INPP5D: variants seen among roughly 807,000 people sequenced by gnomAD.
INPP5D encodes inositol polyphosphate-5-phosphatase D.
Under a neutral mutation model 122.9 loss-of-function variants are expected in INPP5D, and 33 were observed. The ratio of observed to expected loss-of-function variants is 0.27; its 90% CI spans 0.20 to 0.36. The LOEUF is 0.36. Ranked by LOEUF, INPP5D falls within the 10% of genes least tolerant of loss-of-function variation. The probability of loss-of-function intolerance (pLI) is 1.00; values close to 1 mark genes in which losing one functional copy is unlikely to be tolerated. For synonymous variants in INPP5D, 584 were observed against 576.2 expected (o/e 1.01, Z -0.19); for missense variants, 1,053 against 1,412.7 (o/e 0.75, Z 4.08).
At chr2:233,096,575 C>T (rs1330730968) in intron 2 of INPP5D, among the ~76,000 whole-genome samples, 1 of 152,106 alleles carries the variant, frequency 6.6e-6, no homozygotes, top group Admixed American at 6.5e-5. Flanking sequence ...TCACTTGAAC[C>T]TGGGAGGCGG....
In INPP5D at chr2:233,189,835, C is replaced by A; in HGVS notation, c.2359-15C>A. The A allele has an allele frequency of 1.2e-6, 2 of 1,612,164 alleles. No individual in the cohort carries two copies. The highest frequency in any genetic ancestry group is 1.7e-6 in the Non-Finnish European group (2 of 1,179,020). ...CTTGCCCATCAACTCCAGTCCTGTGCCCTTCTCTCTGCAGCTGAAGCCCAT... is the reference window on the plus strand; with the variant it reads ...CTTGCCCATCAACTCCAGTCCTGTGACCTTCTCTCTGCAGCTGAAGCCCAT... On this transcript the variant is annotated splice_polypyrimidine_tract_variant and intron_variant, in intron 21 of 26. Coordinates refer to ENST00000445964, the MANE Select transcript of INPP5D (RefSeq NM_001017915.3). This position sits in a 1 kb window ranked among gnomAD's most constrained non-coding sequence, Gnocchi z 5.6.
At chr2:233,193,253 A>G (rs1236439996) in intron 22 of INPP5D, among the ~76,000 whole-genome samples, 2 of 152,204 alleles carry the variant, frequency 1.3e-5, no homozygotes, top group African/African-American at 4.8e-5. Context: ...GAGCAACTTA[A>G]TGATTCCTTA....
At chr2:233,113,400 A>AG (rs1170200845) in intron 2 of INPP5D, among the ~76,000 whole-genome samples, 1 of 152,212 alleles carries the variant, frequency 6.6e-6, no homozygotes, top group Non-Finnish European at 1.5e-5. Flanking sequence ...AAAAAAGAGA[A>AG]GGGAGGGAAG....
rs931491001 is a variant in INPP5D at position 233,081,875 on chromosome 2, C to T, written c.198+2477C>T. Reference sequence around the variant, plus strand: ...CCAGTCCTAAGAAGGAGTCTGATGGCTCAGCCTCCACGGCTTTCTCCGCAT... The same window carrying T: ...CCAGTCCTAAGAAGGAGTCTGATGGTTCAGCCTCCACGGCTTTCTCCGCAT... On this transcript the variant is annotated intron_variant, in intron 2 of 26. Transcript: ENST00000445964. Among the ~76,000 whole-genome samples the T allele has an allele frequency of 5.9e-5, 9 of 152,300 alleles. No homozygotes were observed. The South Asian group carries it at 1.9e-3, about 32-fold the overall frequency.
intron 6 of INPP5D, chr2:233,140,965 C>T (rs1156691328): frequency 8.5e-5 from 13 of 152,222 alleles, no homozygotes; most frequent in African/African-American, 3.1e-4. Context: ...AGGCGTTCAA[C>T]CTCACCTTGT....
chr2:233,073,478 A>G (rs1395014972), intron 1 of INPP5D, among the ~76,000 whole-genome samples: 1 of 151,964 alleles, frequency 6.6e-6, no homozygotes, highest in Non-Finnish European at 1.5e-5. Flanking sequence ...CATCTCTACT[A>G]AAAGTACAAA....
At position 233,125,801 on chromosome 2, in the gene INPP5D, A is replaced by C. The variant is rs1433243842; in HGVS notation, c.406A>C (p.Ser136Arg). Residue 136 changes from serine (S) to arginine (R), a missense_variant, in exon 4 of 27, where the codon AGC (serine) becomes CGC (arginine). Physicochemically the swap from Ser to Arg is moderately radical, Grantham distance 110 (BLOSUM62 -1). This residue lies in a region of INPP5D where 196 missense variants were observed against 175.6 expected (regional missense o/e 1.12). Transcript: ENST00000445964. ...LPPRNIPLTA[S>R]SCEAKEVPFS... ...CCCAAGAAACATCCCGCTGACTGCC[A>C]GCTCCTGTGAGGCCAAGGAGGTTCC... The C allele has an allele frequency of 1.2e-6, 2 of 1,613,854 alleles. No homozygotes were observed. The highest frequency in any genetic ancestry group is 1.7e-6 in the Non-Finnish European group (2 of 1,179,834).
At chr2:233,090,427 A>G (rs533128931) in intron 2 of INPP5D, among the ~76,000 whole-genome samples, 39 of 152,288 alleles carry the variant, frequency 2.6e-4, no homozygotes, top group African/African-American at 9.1e-4. Context: ...GCTGGTGGCC[A>G]TCAGGATGCC....
At chr2:233,076,961 G>A (rs1691535283) in intron 1 of INPP5D, among the ~76,000 whole-genome samples, 1 of 152,204 alleles carries the variant, frequency 6.6e-6, no homozygotes, top group Non-Finnish European at 1.5e-5. Context: ...ACAGTTGGTA[G>A]TCTCTATCAA....
Position 233,060,637 on chromosome 2 carries a change from G to A in INPP5D, c.134+25G>A, listed in dbSNP as rs761024465. The stretch of plus-strand genomic sequence containing the variant: ...TGTGAGTACAACCTGCTCCCTCCCC[G>A]GGCACAGATATGACAGAGGGGCTTA... On this transcript the variant is annotated intron_variant, in intron 1 of 26. Transcript: ENST00000445964. 1.7e-5 allele frequency: 28 copies of A among 1,612,686 alleles called. No homozygotes were observed. The Middle Eastern group carries it at 6.6e-4, about 38-fold the overall frequency.
chr2:233,182,513 G>A lies in INPP5D; in HGVS notation c.2161+14G>A, dbSNP rs11693000. The A allele has an allele frequency of 0.054, 86,725 of 1,611,640 alleles. 2,748 individuals carry two copies. The highest frequency in any genetic ancestry group is 0.064 in the Middle Eastern group (385 of 6,052). On this transcript the variant is annotated intron_variant, in intron 19 of 26. Coordinates refer to ENST00000445964, the MANE Select transcript of INPP5D (RefSeq NM_001017915.3). The stretch of plus-strand genomic sequence containing the variant: ...TCTCCAAGAACGGTAAGCAAAGGAT[G>A]GTGTCTGTTTCTCTGTTTTCCTCAA...
intron 2 of INPP5D, among the ~76,000 whole-genome samples, chr2:233,108,900 CA>C (rs1307487210): frequency 1.3e-5 from 2 of 152,222 alleles, no homozygotes; most frequent in Non-Finnish European, 2.9e-5. Flanking sequence ...CACAGTCTTG[CA>C]GCTTCTGCAT....
rs558609996 is a variant in INPP5D at position 233,152,744 on chromosome 2, G to A, written c.1030+5150G>A. Among the ~76,000 whole-genome samples the A allele has an allele frequency of 1.3e-4, 20 of 152,270 alleles. No homozygotes were observed. The South Asian group carries it at 3.3e-3, about 25-fold the overall frequency. ...AGTATGGCGTGTGAGACGGCTGGGC[G>A]GCCAGGACTCAGACAAGGCTGAGGC... On this transcript the variant is annotated intron_variant, in intron 9 of 26. Coordinates refer to ENST00000445964, the MANE Select transcript of INPP5D (RefSeq NM_001017915.3).
chr2:233,159,891 G>A (rs1189341294), intron 10 of INPP5D, among the ~76,000 whole-genome samples: 1 of 152,010 alleles, frequency 6.6e-6, no homozygotes, highest in Non-Finnish European at 1.5e-5. Flanking sequence ...GTGGGCTGGT[G>A]GGAGGTCTAA....
rs575680880 is a variant in INPP5D at position 233,204,847 on chromosome 2, C to T, written c.3567+130C>T. 45 of 1,243,034 alleles carry T rather than the reference C, an allele frequency of 3.6e-5. 1 individual carries two copies. The highest frequency in any genetic ancestry group is 2.0e-4 in the South Asian group (12 of 59,836). 77.0% of individuals were successfully genotyped at this position (1,243,034 alleles called of 1,614,324 possible). On this transcript the variant is annotated intron_variant, in intron 26 of 26. Coordinates refer to ENST00000445964, the MANE Select transcript of INPP5D (RefSeq NM_001017915.3). ...ATGCATATGTGCGTGCATGTGTGAA[C>T]GCATGCATGTGCACACATGCGAGTG...
intron 9 of INPP5D, among the ~76,000 whole-genome samples, chr2:233,151,605 C>G (rs907849347): frequency 6.6e-6 from 1 of 152,226 alleles, no homozygotes; most frequent in African/African-American, 2.4e-5. Context: ...TCAGCAAGTG[C>G]GTGCTCAGGG....
intron 2 of INPP5D, among the ~76,000 whole-genome samples, chr2:233,091,612 C>G (rs2106222904): frequency 6.6e-6 from 1 of 152,308 alleles, no homozygotes; most frequent in South Asian, 2.1e-4. Flanking sequence ...TCCCTCTTCC[C>G]CTTATGAGGA....
intron 11 of INPP5D, among the ~76,000 whole-genome samples, chr2:233,163,230 A>G (rs4430948): frequency 0.28 from 42,859 of 151,514 alleles, 6,570 homozygotes; most frequent in East Asian, 0.42. Flanking sequence ...GAGTTTCCAC[A>G]CTCTCCCGTT....
At chr2:233,158,790 G>C (rs1430448174) in intron 10 of INPP5D, among the ~76,000 whole-genome samples, 1 of 152,030 alleles carries the variant, frequency 6.6e-6, no homozygotes, top group Non-Finnish European at 1.5e-5. Context: ...TTGATTGACT[G>C]ACTGACTTGA....
Sources: gnomAD v4.1 joint callset for allele counts (sites outside exome capture counted in the v4.1 genomes callset) on GRCh38, gnomAD v4.1.1 for gene constraint, gnomAD v4.1.1 regional missense constraint, Gnocchi (gnomAD v3.1) non-coding constraint, MANE v1.5 for transcripts, NCBI Gene and HGNC (gene_info 2026-07-23, HGNC 2026-07-21) for gene names.